The following PDE10A variants were observed in gnomAD, a reference collection of about 807,000 sequenced individuals.
The protein encoded by PDE10A is phosphodiesterase 10A, also known as cAMP and cAMP-inhibited cGMP 3',5'-cyclic phosphodiesterase 10A.
A neutral mutation model predicts 97.7 loss-of-function variants in PDE10A; 39 were observed. That is an observed-to-expected ratio of 0.40 (90% CI 0.31 to 0.52). PDE10A has a LOEUF of 0.52. Ranked by LOEUF, PDE10A falls within the 20% of genes least tolerant of loss-of-function variation. The pLI, the probability that PDE10A is intolerant of heterozygous loss-of-function variation, is 0.56. For synonymous variants in PDE10A, 371 were observed against 376.8 expected (o/e 0.98, Z 0.18); for missense variants, 731 against 1,047.8 (o/e 0.70, Z 4.17).
chr6:165,568,818 T>A (rs2668038), intron 1 of PDE10A, among the ~76,000 whole-genome samples: 150,031 of 152,356 alleles, frequency 0.98, 73,916 homozygotes, highest in Middle Eastern at 1. Context: ...TATCCAAGAA[T>A]TTGTGAAGAA....
intron 1 of PDE10A, among the ~76,000 whole-genome samples, chr6:165,856,545 T>G (rs951054842): frequency 6.6e-6 from 1 of 152,254 alleles, no homozygotes; most frequent in African/African-American, 2.4e-5. Flanking sequence ...GTTTCCATTC[T>G]GTAAATATGT....
intron 1 of PDE10A, among the ~76,000 whole-genome samples, chr6:165,772,158 C>A (rs1193911789): frequency 6.6e-6 from 1 of 152,144 alleles, no homozygotes; most frequent in Admixed American, 6.6e-5. Flanking sequence ...TTAGCCCCAC[C>A]GGCAAGTACA....
At chr6:165,843,784 A>C (rs1780327723) in intron 1 of PDE10A, among the ~76,000 whole-genome samples, 1 of 152,212 alleles carries the variant, frequency 6.6e-6, no homozygotes. Context: ...CATACTAGAG[A>C]GGGAAGCCTG....
intron 2 of PDE10A, among the ~76,000 whole-genome samples, chr6:165,505,008 G>A (rs1781108922): frequency 1.3e-5 from 2 of 152,140 alleles, no homozygotes; most frequent in South Asian, 4.1e-4. Context: ...GCTGTCGCCT[G>A]AGCTTCCTAT....
chr6:165,701,941 G>A (rs1319300551), intron 1 of PDE10A, among the ~76,000 whole-genome samples: 1 of 152,164 alleles, frequency 6.6e-6, no homozygotes, highest in East Asian at 1.9e-4. Context: ...GGAACACTCC[G>A]GTGATACGGA....
At chr6:165,621,019 CAAAA>C (rs554929440) in intron 1 of PDE10A, among the ~76,000 whole-genome samples, 1 of 107,388 alleles carries the variant, frequency 9.3e-6, no homozygotes. Flanking sequence ...GACTCTGTCT[CAAAA>C]AAAAAAAAAA....
intron 1 of PDE10A, among the ~76,000 whole-genome samples, chr6:165,646,734 G>A (rs1789416044): frequency 6.6e-6 from 1 of 152,206 alleles, no homozygotes; most frequent in Admixed American, 6.5e-5. Context: ...GTTCCGGGAT[G>A]AGAAGGAGCA....
intron 1 of PDE10A, among the ~76,000 whole-genome samples, chr6:165,698,857 C>CA (rs949496983): frequency 6.6e-6 from 1 of 150,766 alleles, no homozygotes; most frequent in Non-Finnish European, 1.5e-5. Flanking sequence ...TCCAACCAAA[C>CA]AAAAAAACAA....
At chr6:165,848,936 G>A (rs1780497585) in intron 1 of PDE10A, among the ~76,000 whole-genome samples, 1 of 152,172 alleles carries the variant, frequency 6.6e-6, no homozygotes, top group Non-Finnish European at 1.5e-5. Context: ...CCTGTGAGAG[G>A]CACTGCTGCC....
At chr6:165,817,012 T>C (rs983396036) in intron 1 of PDE10A, among the ~76,000 whole-genome samples, 4 of 151,974 alleles carry the variant, frequency 2.6e-5, no homozygotes, top group African/African-American at 9.7e-5. Flanking sequence ...CATCACCCAG[T>C]GTTAGGGGGA....
chr6:165,816,099 AC>A (rs1236464084), intron 1 of PDE10A, among the ~76,000 whole-genome samples: 4 of 151,834 alleles, frequency 2.6e-5, no homozygotes, highest in Admixed American at 1.3e-4. Context: ...ACAGGCGCCC[AC>A]CACCACTCCT....
intron 1 of PDE10A, among the ~76,000 whole-genome samples, chr6:165,978,580 T>C (rs762890191): frequency 4.6e-5 from 7 of 152,220 alleles, no homozygotes; most frequent in East Asian, 1.9e-4. Flanking sequence ...AGAAGCATCA[T>C]ATGAATCCAA....
chr6:165,856,868 A>C (rs1279124807), intron 1 of PDE10A, among the ~76,000 whole-genome samples: 1 of 152,194 alleles, frequency 6.6e-6, no homozygotes, highest in Admixed American at 6.5e-5. Context: ...ACTCCAGTGG[A>C]TTAAAGAATT....
chr6:165,337,878 T>C lies in PDE10A; in HGVS notation c.2976+1400A>G, dbSNP rs137993121. On this transcript the variant is annotated intron_variant, in intron 20 of 21. Transcript: ENST00000539869. ...CCCTATCTTAAATAATATAACAAGATACATTCCAAACAAGTCAATAAATCA... is the reference window on the plus strand; with the variant it reads ...CCCTATCTTAAATAATATAACAAGACACATTCCAAACAAGTCAATAAATCA... Among the ~76,000 whole-genome samples, 667 of 152,240 alleles carry C rather than the reference T, an allele frequency of 4.4e-3. 7 individuals are homozygous for C. The highest frequency in any genetic ancestry group is 0.015 in the African/African-American group (622 of 41,544).
intron 1 of PDE10A, among the ~76,000 whole-genome samples, chr6:165,629,455 T>G (rs1788529969): frequency 6.6e-6 from 1 of 152,138 alleles, no homozygotes; most frequent in South Asian, 2.1e-4. Context: ...ATGTAAACTC[T>G]TTTGTTTTGT....
intron 1 of PDE10A, among the ~76,000 whole-genome samples, chr6:165,958,799 G>A (rs966307775): frequency 1.3e-5 from 2 of 151,886 alleles, no homozygotes; most frequent in Non-Finnish European, 2.9e-5. Context: ...CCCGACTCAT[G>A]TCTGGAGGGC....
At chr6:165,509,827 T>A (rs1028397208) in intron 2 of PDE10A, among the ~76,000 whole-genome samples, 3 of 152,012 alleles carry the variant, frequency 2.0e-5, no homozygotes, top group Admixed American at 6.6e-5. Flanking sequence ...GTATTATATT[T>A]AATTTTTTAT....
At chr6:165,953,392 A>G (rs1172625062) in intron 1 of PDE10A, among the ~76,000 whole-genome samples, 1 of 152,096 alleles carries the variant, frequency 6.6e-6, no homozygotes, top group East Asian at 1.9e-4. Flanking sequence ...GGAGTTCAAG[A>G]CTCACCTGAC....
At chr6:165,474,805 A>G (rs561448275) in intron 3 of PDE10A, among the ~76,000 whole-genome samples, 3 of 152,346 alleles carry the variant, frequency 2.0e-5, no homozygotes, top group African/African-American at 7.2e-5. Flanking sequence ...TATTACAGAG[A>G]AGTATGGCTT....
Sources: gnomAD v4.1 joint callset for allele counts (sites outside exome capture counted in the v4.1 genomes callset) on GRCh38, gnomAD v4.1.1 for gene constraint, MANE v1.5 for transcripts, NCBI Gene and HGNC (gene_info 2026-07-23, HGNC 2026-07-21) for gene names.